ANKS1B: variants seen among roughly 807,000 people sequenced by gnomAD.
ANKS1B encodes the protein ankyrin repeat and sterile alpha motif domain containing 1B.
A neutral mutation model predicts 148.3 loss-of-function variants in ANKS1B; 36 were observed. The ratio of observed to expected loss-of-function variants is 0.24; its 90% CI spans 0.19 to 0.32. The LOEUF (loss-of-function observed/expected upper bound fraction) is 0.32, where lower values mean the gene tolerates loss of function less well. Among genes scored for constraint, ANKS1B ranks in the 10% least tolerant of loss-of-function variants. ANKS1B has a pLI of 1.00. For missense variants in ANKS1B, 1,157 were observed against 1,542.6 expected (o/e 0.75, Z 4.19); for synonymous variants, 542 against 560.8 (o/e 0.97, Z 0.47).
intron 12 of ANKS1B, among the ~76,000 whole-genome samples, chr12:99,294,622 A>G (rs1464422292): frequency 2.0e-5 from 3 of 152,176 alleles, no homozygotes; most frequent in Non-Finnish European, 4.4e-5. Context: ...TTGATAACAT[A>G]ACAGGGTGAC....
In ANKS1B at chr12:98,806,902, C is replaced by G. The variant is rs2099054919; in HGVS notation, c.3141+942G>C. ...ACCAGTACCAGGCAATGTATAGACA[C>G]CATGGTCCTCAAGAGCCAGAAGTCC... is the stretch of plus-strand genomic sequence containing the variant. On this transcript the variant is annotated intron_variant, in intron 20 of 26. Transcript: ENST00000683438. Among the ~76,000 whole-genome samples the G allele has an allele frequency of 2.0e-5, 3 of 152,160 alleles. No homozygotes were observed. The South Asian group carries it at 6.2e-4, about 31-fold the overall frequency.
At chr12:99,055,849 G>A (rs2099969395) in intron 16 of ANKS1B, among the ~76,000 whole-genome samples, 1 of 152,240 alleles carries the variant, frequency 6.6e-6, no homozygotes, top group East Asian at 1.9e-4. Flanking sequence ...AATAGTAAAG[G>A]GAGGGTCAGT....
intron 17 of ANKS1B, among the ~76,000 whole-genome samples, chr12:99,015,719 A>G (rs2099942114): frequency 6.6e-6 from 1 of 152,080 alleles, no homozygotes; most frequent in African/African-American, 2.4e-5. Context: ...ACAAAAAATT[A>G]GCCTGGCGTG....
At chr12:99,323,870 T>C (rs2085792021) in intron 12 of ANKS1B, among the ~76,000 whole-genome samples, 1 of 152,170 alleles carries the variant, frequency 6.6e-6, no homozygotes, top group African/African-American at 2.4e-5. Context: ...GCGATTTAAA[T>C]TCTCATCTTG....
intron 8 of ANKS1B, among the ~76,000 whole-genome samples, chr12:99,693,191 A>G (rs2053384384): frequency 6.6e-6 from 1 of 152,230 alleles, no homozygotes; most frequent in African/African-American, 2.4e-5. Flanking sequence ...GAAAGAGAAA[A>G]CAATCACACT....
chr12:99,848,078 C>G (rs947931148), intron 1 of ANKS1B, among the ~76,000 whole-genome samples: 4 of 151,980 alleles, frequency 2.6e-5, no homozygotes, highest in Non-Finnish European at 1.5e-5. Flanking sequence ...CACAGTCTGG[C>G]CATCAATCAG....
chr12:99,155,606 G>A (rs941875059), intron 14 of ANKS1B, among the ~76,000 whole-genome samples: 1 of 152,104 alleles, frequency 6.6e-6, no homozygotes, highest in Non-Finnish European at 1.5e-5. Flanking sequence ...ATGTAAATGT[G>A]TGAGTTTTAC....
chr12:99,664,642 C>T (rs553832386), intron 8 of ANKS1B, among the ~76,000 whole-genome samples: 1 of 152,198 alleles, frequency 6.6e-6, no homozygotes, highest in African/African-American at 2.4e-5. Context: ...GTGCATTCAC[C>T]ACCACAATCA....
intron 9 of ANKS1B, among the ~76,000 whole-genome samples, chr12:99,645,099 A>G (rs2098347669): frequency 6.6e-6 from 1 of 152,230 alleles, no homozygotes; most frequent in Admixed American, 6.5e-5. Context: ...ATTATAATGT[A>G]AATATCTTTT....
At chr12:99,155,211 TTTC>T (rs1184186649) in intron 14 of ANKS1B, 7 of 1,126,414 alleles carry the variant, frequency 6.2e-6, no homozygotes, top group Non-Finnish European at 8.4e-6. Context: ...TTTCCTGTCT[TTTC>T]TTCTTCCTTT....
chr12:98,958,459 C>G (rs183926223), intron 17 of ANKS1B, among the ~76,000 whole-genome samples: 664 of 152,338 alleles, frequency 4.4e-3, no homozygotes, highest in Non-Finnish European at 7.3e-3. Flanking sequence ...TTAAGGACTA[C>G]TTCCATGTCA....
chr12:98,760,008 A>G (rs2098366425), intron 25 of ANKS1B, among the ~76,000 whole-genome samples: 1 of 152,178 alleles, frequency 6.6e-6, no homozygotes, highest in Non-Finnish European at 1.5e-5. Flanking sequence ...AAATAAATCA[A>G]TAATGGGTTA....
chr12:99,396,823 G>A (rs1039808873), intron 12 of ANKS1B, among the ~76,000 whole-genome samples: 2 of 152,070 alleles, frequency 1.3e-5, no homozygotes, highest in Non-Finnish European at 2.9e-5. Flanking sequence ...ATTCTTACCT[G>A]TTGAAAAATA....
rs147574664 is a variant in ANKS1B at position 99,306,326 on chromosome 12, C to T, written c.1757-59462G>A. ...CCTGGGTCTCTAGACCCGATGCCAT[C>T]AAATACTAGTAAATCTCTGTTGTAA... On this transcript the variant is annotated intron_variant, in intron 12 of 26. Transcript: ENST00000683438. Among the ~76,000 whole-genome samples the T allele has an allele frequency of 6.0e-3, 919 of 152,198 alleles. 16 individuals are homozygous for T. Among genetic ancestry groups the T allele is most frequent in the African/African-American group, 0.021 (874 of 41,554 alleles).
chr12:99,979,074 G>GT (rs373452781), intron 1 of ANKS1B, among the ~76,000 whole-genome samples: 80 of 151,146 alleles, frequency 5.3e-4, no homozygotes, highest in Middle Eastern at 3.4e-3. Flanking sequence ...AGGAAGAGAG[G>GT]TTTTTTTTTA....
rs1461903760 is a variant in ANKS1B, at chr12:99,910,745, C to T, written c.134+73359G>A. On this transcript the variant is annotated intron_variant, in intron 1 of 26. Coordinates refer to ENST00000683438, the MANE Select transcript of ANKS1B (RefSeq NM_001352186.2). The stretch of plus-strand genomic sequence containing the variant: ...AAGCTGTTTAAAAACATGTATCTAA[C>T]GCAACAGTCTATGTGTACACACCCA... Among the ~76,000 whole-genome samples, 6 of 152,058 alleles carry T rather than the reference C, an allele frequency of 3.9e-5. No homozygotes were observed. In the East Asian group the frequency reaches 5.8e-4, roughly 15 times the overall value.
intron 1 of ANKS1B, among the ~76,000 whole-genome samples, chr12:99,848,211 G>C (rs2087036054): frequency 6.6e-6 from 1 of 152,092 alleles, no homozygotes. Context: ...AGAGAAAAGG[G>C]TCAAAAATAC....
intron 8 of ANKS1B, among the ~76,000 whole-genome samples, chr12:99,720,805 G>A (rs1044506169): frequency 2.6e-5 from 4 of 152,034 alleles, no homozygotes; most frequent in Non-Finnish European, 2.9e-5. Context: ...CCTATTCACC[G>A]TTCTCAACTA....
chr12:99,870,142 G>T lies in ANKS1B; in HGVS notation c.135-44753C>A, dbSNP rs183699147. 1.6e-3 allele frequency among the ~76,000 whole-genome samples: 247 copies of T among 152,144 alleles called. 4 individuals carry two copies. The highest frequency in any genetic ancestry group is 1.8e-3 in the Non-Finnish European group (122 of 68,008). ...CAGTTTCTATTGTTGCAATCTCTAC[G>T]TCCATGAGTACCTAATGTTTAGCTC... On this transcript the variant is annotated intron_variant, in intron 1 of 26. Transcript: ENST00000683438.
Sources: allele counts gnomAD v4.1 joint callset (sites outside exome capture counted in the v4.1 genomes callset), GRCh38; gene constraint gnomAD v4.1.1; transcripts MANE v1.5; gene names NCBI Gene and HGNC (gene_info 2026-07-23, HGNC 2026-07-21).